Variants in GRIK4 observed in about 807,000 individuals in gnomAD.
GRIK4 encodes glutamate receptor ionotropic, kainate 4.
In GRIK4, 40 loss-of-function variants were observed where a neutral mutation model predicts 104.9. That is an observed-to-expected ratio of 0.38 (90% CI 0.30 to 0.50). GRIK4 has a LOEUF of 0.50. Among genes scored for constraint, GRIK4 ranks in the 20% least tolerant of loss-of-function variants. GRIK4 has a pLI of 0.93. For synonymous variants in GRIK4, 485 were observed against 524.9 expected, an observed-to-expected ratio of 0.92 and a Z score of 1.04; for missense variants, 1,047 against 1,308.1, an observed-to-expected ratio of 0.80 and a Z score of 3.08.
At chr11:120,582,461 T>TA (rs1948598993) in intron 1 of GRIK4, among the ~76,000 whole-genome samples, 1 of 152,112 alleles carries the variant, frequency 6.6e-6, no homozygotes, top group Non-Finnish European at 1.5e-5. Context: ...CTCCCTCCTC[T>TA]CACCCCCTGC....
intron 3 of GRIK4, among the ~76,000 whole-genome samples, chr11:120,669,174 CAT>C (rs374030648): frequency 2.3e-3 from 344 of 152,138 alleles, no homozygotes; most frequent in Middle Eastern, 0.014. Flanking sequence ...TTCACACACT[CAT>C]GTGTGGGTGG....
At chr11:120,620,196 AGAT>A in intron 1 of GRIK4, 1 of 800,236 alleles carries the variant, frequency 1.2e-6, no homozygotes, top group South Asian at 1.3e-5. Flanking sequence ...CATGACCATC[AGAT>A]GATATCAATT....
chr11:120,884,620 G>A (rs1955066558), intron 11 of GRIK4, among the ~76,000 whole-genome samples: 1 of 152,206 alleles, frequency 6.6e-6, no homozygotes, highest in Non-Finnish European at 1.5e-5. Flanking sequence ...AGCCTCACTG[G>A]TTCCACTTGG....
chr11:120,629,776 G>A (rs1218685531), intron 1 of GRIK4, among the ~76,000 whole-genome samples: 1 of 152,214 alleles, frequency 6.6e-6, no homozygotes. Context: ...CCCATGCTGG[G>A]CGGCTGGGGA....
chr11:120,831,921 T>A lies in GRIK4; in HGVS notation c.581T>A (p.Leu194Gln). The stretch of plus-strand genomic sequence containing the variant: ...AAGGACACGCTGTCCGTCCGCATGC[T>A]GGATGACACCCGGGACCCCACCCCG... The part of the protein sequence containing the change: ...ISKDTLSVRM[L>Q]DDTRDPTPLL... The change falls in exon 7 of 21, where the codon CTG (leucine) becomes CAG (glutamine). Residue 194 changes from leucine to glutamine, a missense_variant. Transcript: ENST00000527524. 6.2e-7 allele frequency: 1 copy of A among 1,613,702 alleles called. No homozygotes were observed.
At chr11:120,764,992 C>T (rs1404545667) in intron 3 of GRIK4, among the ~76,000 whole-genome samples, 1 of 152,074 alleles carries the variant, frequency 6.6e-6, no homozygotes, top group Non-Finnish European at 1.5e-5. Flanking sequence ...CCTGAATTTG[C>T]ATGTTGGCAT....
chr11:120,531,801 C>T (rs1332650212), intron 1 of GRIK4, among the ~76,000 whole-genome samples: 1 of 152,076 alleles, frequency 6.6e-6, no homozygotes, highest in Non-Finnish European at 1.5e-5. Flanking sequence ...GTCTCGGACT[C>T]CTGACCTCAG....
At chr11:120,704,442 T>A (rs1950597430) in intron 3 of GRIK4, among the ~76,000 whole-genome samples, 2 of 152,206 alleles carry the variant, frequency 1.3e-5, no homozygotes, top group South Asian at 4.1e-4. Flanking sequence ...CAGGGAACAT[T>A]TGGGAGTGCC....
At chr11:120,794,291 T>C (rs978801274) in intron 3 of GRIK4, among the ~76,000 whole-genome samples, 2 of 151,076 alleles carry the variant, frequency 1.3e-5, no homozygotes, top group African/African-American at 4.9e-5. Flanking sequence ...AGCCAGGCGA[T>C]GGTTGGAGGG....
intron 14 of GRIK4, among the ~76,000 whole-genome samples, chr11:120,941,819 C>G (rs1943733155): frequency 6.6e-6 from 1 of 152,064 alleles, no homozygotes; most frequent in Non-Finnish European, 1.5e-5. Flanking sequence ...CTGGCCCCAC[C>G]AATACCTCGA....
chr11:120,602,732 T>C (rs1016330297), intron 1 of GRIK4, among the ~76,000 whole-genome samples: 7 of 152,190 alleles, frequency 4.6e-5, no homozygotes, highest in Admixed American at 3.9e-4. Context: ...AAACAGAGTC[T>C]CGCTCTGTCG....
chr11:120,587,056 G>A (rs535719652), intron 1 of GRIK4, among the ~76,000 whole-genome samples: 4 of 152,278 alleles, frequency 2.6e-5, no homozygotes, highest in East Asian at 1.9e-4. Context: ...TTAAACAATC[G>A]AGGCGATTTG....
chr11:120,888,465 T>C (rs184497617), intron 11 of GRIK4, among the ~76,000 whole-genome samples: 80 of 152,342 alleles, frequency 5.3e-4, no homozygotes, highest in African/African-American at 1.7e-3. Context: ...ACTTGGCATA[T>C]GGTAAGTGTT....
At chr11:120,564,985 G>T (rs28624679) in intron 1 of GRIK4, among the ~76,000 whole-genome samples, 5 of 48,348 alleles carry the variant, frequency 1.0e-4, no homozygotes, top group South Asian at 4.1e-4. Context: ...GCGGGGGGGT[G>T]GGGGGGGTGG....
At chr11:120,947,440 C>A (rs188972621) in intron 14 of GRIK4, among the ~76,000 whole-genome samples, 65 of 151,030 alleles carry the variant, frequency 4.3e-4, no homozygotes, top group African/African-American at 1.5e-3. Context: ...TAAATGCTGA[C>A]ATTAAATTAA....
chr11:120,835,826 G>A (rs1398177611), intron 7 of GRIK4, among the ~76,000 whole-genome samples: 1 of 152,106 alleles, frequency 6.6e-6, no homozygotes, highest in African/African-American at 2.4e-5. Context: ...ACACTGACGG[G>A]GAAGGTTGGC....
intron 10 of GRIK4, 82 bp downstream of exon 10, chr11:120,874,300 A>G: frequency 8.8e-7 from 1 of 1,133,744 alleles, no homozygotes; most frequent in Admixed American, 2.1e-5. Context: ...GAGTCCCTCA[A>G]CTCCAGGCTT....
chr11:120,815,553 A>G, intron 5 of GRIK4, 78 bp downstream of exon 5: 1 of 807,708 alleles, frequency 1.2e-6, no homozygotes. Flanking sequence ...TTGATTCTCA[A>G]GGGCTGGAAG....
chr11:120,729,510 A>G (rs1486054506), intron 3 of GRIK4, among the ~76,000 whole-genome samples: 2 of 152,168 alleles, frequency 1.3e-5, no homozygotes. Flanking sequence ...TCTGATCATC[A>G]GTGATGTTGA....
Sources: allele counts gnomAD v4.1 joint callset (sites outside exome capture counted in the v4.1 genomes callset), GRCh38; gene constraint gnomAD v4.1.1; transcripts MANE v1.5; gene names NCBI Gene and HGNC (gene_info 2026-07-23, HGNC 2026-07-21).